Variants in SLC23A2 observed in about 807,000 individuals in gnomAD.
The protein encoded by SLC23A2 is solute carrier family 23 member 2.
SLC23A2 carries 36 observed loss-of-function variants against 73.3 expected under a neutral mutation model. That is an observed-to-expected ratio of 0.49 (90% CI 0.38 to 0.65). The LOEUF (loss-of-function observed/expected upper bound fraction) is 0.65, where lower values mean the gene tolerates loss of function less well. SLC23A2 is among the 30% of genes least tolerant of loss of function. The pLI is 0.00. For synonymous variants in SLC23A2, 343 were observed against 327.3 expected (o/e 1.05, Z -0.52); for missense variants, 507 against 841.6 (o/e 0.60, Z 4.92).
At chr20:4,984,107 T>G (rs538929717) in intron 1 of SLC23A2, among the ~76,000 whole-genome samples, 6 of 152,046 alleles carry the variant, frequency 3.9e-5, no homozygotes, top group Non-Finnish European at 7.4e-5. Flanking sequence ...GTAACCTAAT[T>G]AAATGGGCAA....
chr20:4,857,158 G>A lies in SLC23A2; in HGVS notation c.1767C>T (p.Gly589=). 6.2e-7 allele frequency: 1 copy of A among 1,612,854 alleles called. No individual in the cohort carries two copies. The highest frequency in any genetic ancestry group is 1.1e-5 in the South Asian group (1 of 91,010). The change falls in exon 17 of 17, where the codon GGC becomes GGT. Residue 589 remains glycine, a synonymous_variant. Transcript: ENST00000338244. The surrounding 1 kb of genome is among the most constrained non-coding windows in gnomAD (Gnocchi z 4.0). Reference sequence around the variant, plus strand: ...TGCCGTCGAGTGATTTGTTCCCTTTGCCCACACCCTTCTTCCATTTCCGGA... The same window carrying A: ...TGCCGTCGAGTGATTTGTTCCCTTTACCCACACCCTTCTTCCATTTCCGGA... ...RGIRKWKKGV[G]KGNKSLDGME...
intron 2 of SLC23A2, among the ~76,000 whole-genome samples, chr20:4,940,883 C>T (rs897126773): frequency 1.1e-4 from 16 of 152,124 alleles, no homozygotes; most frequent in African/African-American, 9.7e-5. Flanking sequence ...TTGCCAGGTA[C>T]GGTGGCTCAC....
intron 2 of SLC23A2, among the ~76,000 whole-genome samples, chr20:4,941,817 G>T (rs1165380767): frequency 6.6e-6 from 1 of 152,078 alleles, no homozygotes; most frequent in Admixed American, 6.6e-5. Flanking sequence ...AGTGAAAAAA[G>T]TTATTTCATA....
chr20:4,935,247 G>A (rs1338549304), intron 2 of SLC23A2, among the ~76,000 whole-genome samples: 1 of 147,764 alleles, frequency 6.8e-6, no homozygotes, highest in Admixed American at 6.7e-5. Flanking sequence ...ACAAAGGAAA[G>A]ATAATATTAA....
At chr20:5,007,645 A>G (rs1397459402) in intron 1 of SLC23A2, among the ~76,000 whole-genome samples, 1 of 152,188 alleles carries the variant, frequency 6.6e-6, no homozygotes, top group East Asian at 1.9e-4. Context: ...TATCACTCCT[A>G]AAAGAAACTC....
intron 2 of SLC23A2, among the ~76,000 whole-genome samples, chr20:4,948,560 G>C (rs956852443): frequency 1.2e-4 from 18 of 152,190 alleles, no homozygotes; most frequent in Admixed American, 6.5e-5. Flanking sequence ...GAGTGGGTTT[G>C]CCTAAACTGC....
chr20:4,951,305 G>A lies in SLC23A2; in HGVS notation c.-154-18589C>T, dbSNP rs2087198796. 2.6e-5 allele frequency among the ~76,000 whole-genome samples: 4 copies of A among 152,234 alleles called. No homozygotes were observed. In the Middle Eastern group the frequency reaches 0.014, roughly 518 times the overall value. On this transcript the variant is annotated intron_variant, in intron 2 of 16. Transcript: ENST00000338244. ...ACGCTGAGGTGGGGAAGAACAGTAG[G>A]GAAATGAAGAACCAGCACTAACTCA...
rs535531559 is a variant in SLC23A2 at position 4,903,315 on chromosome 20, A to G, written c.208-757T>C. Among the ~76,000 whole-genome samples the G allele has an allele frequency of 5.9e-5, 9 of 152,300 alleles. No homozygotes were observed. In the East Asian group the frequency reaches 1.5e-3, roughly 26 times the overall value. On this transcript the variant is annotated intron_variant, in intron 4 of 16. Coordinates refer to ENST00000338244, the MANE Select transcript of SLC23A2 (RefSeq NM_005116.6). ...GCCTCTTCCAATCACCCCCAGCATC[A>G]GTTCTGAACTCATGCAGTATCTGAG...
rs2088053172 is a variant in SLC23A2 at position 4,998,054 on chromosome 20, G to GGTCC, written c.-282+3351_-282+3352insGGAC. On this transcript the variant is annotated intron_variant, in intron 1 of 16. Transcript: ENST00000338244. This position sits in a 1 kb window ranked among gnomAD's most constrained non-coding sequence, Gnocchi z 4.1. The stretch of plus-strand genomic sequence containing the variant: ...TTGACCTTGGACTTCCCAGACTCCA[G>GGTCC]AATTATACGAAACAAATTTCCGTTG... Among the ~76,000 whole-genome samples the GGTCC allele has an allele frequency of 6.6e-6, 1 of 152,160 alleles. No homozygotes were observed. The highest frequency in any genetic ancestry group is 1.5e-5 in the Non-Finnish European group (1 of 68,034).
chr20:4,972,773 G>A (rs373316783), intron 1 of SLC23A2, among the ~76,000 whole-genome samples: 1 of 152,018 alleles, frequency 6.6e-6, no homozygotes, highest in African/African-American at 2.4e-5. Flanking sequence ...TTTTAGTAGA[G>A]ACACGGTTTC....
At chr20:4,903,745 G>A (rs762683391) in intron 4 of SLC23A2, among the ~76,000 whole-genome samples, 1 of 152,100 alleles carries the variant, frequency 6.6e-6, no homozygotes, top group Non-Finnish European at 1.5e-5. Flanking sequence ...TTTCTCTTCC[G>A]TCCTAACAAG....
At chr20:4,992,383 C>T (rs768124149) in intron 1 of SLC23A2, among the ~76,000 whole-genome samples, 7 of 151,354 alleles carry the variant, frequency 4.6e-5, no homozygotes, top group Non-Finnish European at 7.4e-5. Flanking sequence ...ATACCATACT[C>T]CAAAACAAAT....
At chr20:4,886,138 G>A in intron 6 of SLC23A2, 1 of 493,000 alleles carries the variant, frequency 2.0e-6, no homozygotes, top group South Asian at 2.3e-5. Context: ...GCAGCTCCAG[G>A]GTGGGCCCCG....
In SLC23A2 at chr20:4,867,948, A is replaced by G. The variant is rs542725898; in HGVS notation, c.1251-73T>C. ...GCATTCACTCTGAAATAGCCTCTACACATCTACAATCCAAAAATGTGGTCC... is the reference window on the plus strand; with the variant it reads ...GCATTCACTCTGAAATAGCCTCTACGCATCTACAATCCAAAAATGTGGTCC... On this transcript the variant is annotated intron_variant, in intron 12 of 16. Transcript: ENST00000338244. 6 of 873,584 alleles carry G rather than the reference A, an allele frequency of 6.9e-6. No individual in the cohort carries two copies. The East Asian group carries it at 1.0e-4, about 15-fold the overall frequency. The allele number at this position is 873,584 out of a possible 1,614,324, so 54.1% of individuals were successfully genotyped here. A position where few individuals can be genotyped will look rare whatever the true frequency, so the allele number is the denominator to read the frequency against.
intron 13 of SLC23A2, among the ~76,000 whole-genome samples, chr20:4,865,767 ATGG>A (rs1359387941): frequency 1.3e-5 from 2 of 152,152 alleles, no homozygotes; most frequent in African/African-American, 4.8e-5. Context: ...CTGATATAAA[ATGG>A]TGTAGTATTT....
rs1290242969 is a variant in SLC23A2, at chr20:4,853,903, T to C, written c.*3069A>G. On this transcript the variant is annotated 3_prime_UTR_variant, in exon 17 of 17. Coordinates refer to ENST00000338244, the MANE Select transcript of SLC23A2 (RefSeq NM_005116.6). The stretch of plus-strand genomic sequence containing the variant: ...TTTAACTTCCTAATGAGAATGAAAA[T>C]TGCTTACAAAGACTAGAGTCACTTC... The C allele has an allele frequency of 6.6e-6, 1 of 152,212 alleles. No homozygotes were observed. Among genetic ancestry groups the C allele is most frequent in the Non-Finnish European group, 1.5e-5 (1 of 68,038 alleles). 9.4% of individuals were successfully genotyped at this position (152,212 alleles called of 1,614,324 possible).
chr20:4,922,385 G>C (rs1433558481), intron 3 of SLC23A2, among the ~76,000 whole-genome samples: 1 of 152,176 alleles, frequency 6.6e-6, no homozygotes, highest in Non-Finnish European at 1.5e-5. Context: ...GATGAAGGCA[G>C]GGGGATCACA....
intron 1 of SLC23A2, among the ~76,000 whole-genome samples, chr20:5,000,555 C>T (rs1005414138): frequency 7.9e-5 from 12 of 152,290 alleles, no homozygotes; most frequent in Admixed American, 5.9e-4. Context: ...CTACTACAAA[C>T]GCTGCAGACC....
At chr20:4,963,990 A>G (rs1342487525) in intron 2 of SLC23A2, among the ~76,000 whole-genome samples, 2 of 150,912 alleles carry the variant, frequency 1.3e-5, no homozygotes, top group Non-Finnish European at 2.9e-5. Flanking sequence ...TGCTAGTGGG[A>G]GTAATAATTG....
Sources: allele counts gnomAD v4.1 joint callset (sites outside exome capture counted in the v4.1 genomes callset), GRCh38; gene constraint gnomAD v4.1.1; non-coding constraint Gnocchi (gnomAD v3.1); transcripts MANE v1.5; gene names NCBI Gene and HGNC (gene_info 2026-07-23, HGNC 2026-07-21).